Variants in RNF180 observed in about 807,000 individuals in gnomAD.
The protein encoded by RNF180 is ring finger protein 180.
In RNF180, 38 loss-of-function variants were observed where a neutral mutation model predicts 59.2. The ratio of observed to expected loss-of-function variants is 0.64; its 90% CI spans 0.50 to 0.84. RNF180 has a LOEUF of 0.84. Ranked by LOEUF, RNF180 falls within the 40% of genes least tolerant of loss-of-function variation. The pLI is 0.00. For synonymous variants in RNF180, 262 were observed against 240.3 expected, an observed-to-expected ratio of 1.09 and a Z score of -0.84; for missense variants, 705 against 700.9, an observed-to-expected ratio of 1.01 and a Z score of -0.07.
At chr5:64,257,679 G>T (rs897636053) in intron 5 of RNF180, among the ~76,000 whole-genome samples, 2 of 152,072 alleles carry the variant, frequency 1.3e-5, no homozygotes, top group Non-Finnish European at 2.9e-5. Context: ...TTGTGTGTGT[G>T]TCTCTGCCAG....
chr5:64,217,307 T>C, intron 4 of RNF180, 54 bp from the exon 5 acceptor site: 2 of 1,342,804 alleles, frequency 1.5e-6, no homozygotes, highest in East Asian at 2.8e-5. Flanking sequence ...AATAGAACTT[T>C]TACAGACATT....
chr5:64,361,561 A>G (rs975163278), intron 7 of RNF180, among the ~76,000 whole-genome samples: 3 of 151,482 alleles, frequency 2.0e-5, no homozygotes, highest in Non-Finnish European at 4.4e-5. Flanking sequence ...ACTGGATTAT[A>G]TGGCAAAAAA....
chr5:64,360,958 T>C (rs1213559385), intron 7 of RNF180, among the ~76,000 whole-genome samples: 1 of 151,668 alleles, frequency 6.6e-6, no homozygotes, highest in African/African-American at 2.4e-5. Context: ...TATATTCTAA[T>C]ACAAACAAAC....
At chr5:64,167,352 C>T (rs1376699049) in intron 1 of RNF180, among the ~76,000 whole-genome samples, 1 of 152,076 alleles carries the variant, frequency 6.6e-6, no homozygotes, top group Non-Finnish European at 1.5e-5. Context: ...CAACAATTTA[C>T]CAGTTTCCCT....
At chr5:64,323,682 G>C (rs189028182) in intron 5 of RNF180, among the ~76,000 whole-genome samples, 162 of 152,304 alleles carry the variant, frequency 1.1e-3, no homozygotes, top group Non-Finnish European at 4.4e-4. Context: ...AGAAAGAGCA[G>C]AAGGGATGGG....
chr5:64,213,489 GAAAA>G (rs375332267), intron 3 of RNF180, 65 bp from the exon 4 acceptor site: 22 of 1,455,878 alleles, frequency 1.5e-5, no homozygotes, highest in Non-Finnish European at 1.9e-5. Context: ...TGGCTTTAAA[GAAAA>G]AAAAATTTCT....
At chr5:64,217,465 TC>T in intron 5 of RNF180, 69 bp downstream of exon 5, 1 of 1,324,360 alleles carries the variant, frequency 7.6e-7, no homozygotes, top group Non-Finnish European at 9.7e-7. Flanking sequence ...CATTTTGCAT[TC>T]CAAGCAGCAA....
chr5:64,196,955 C>T (rs1453270580), intron 1 of RNF180, among the ~76,000 whole-genome samples: 1 of 152,032 alleles, frequency 6.6e-6, no homozygotes, highest in African/African-American at 2.4e-5. Flanking sequence ...TCGTTTTATT[C>T]GTATTTTCTA....
At chr5:64,181,281 A>G (rs775623416) in intron 1 of RNF180, among the ~76,000 whole-genome samples, 3 of 152,192 alleles carry the variant, frequency 2.0e-5, no homozygotes, top group Admixed American at 1.3e-4. Flanking sequence ...CCCAGGAACA[A>G]TACTTTGCAT....
intron 5 of RNF180, among the ~76,000 whole-genome samples, chr5:64,293,560 TGA>T (rs1742723382): frequency 6.6e-6 from 1 of 152,082 alleles, no homozygotes; most frequent in Admixed American, 6.5e-5. Context: ...TATATTATTC[TGA>T]GAGGAAAATT....
intron 7 of RNF180, among the ~76,000 whole-genome samples, chr5:64,354,775 G>A (rs1479230299): frequency 6.6e-6 from 1 of 151,390 alleles, no homozygotes; most frequent in Non-Finnish European, 1.5e-5. Context: ...TGCAGGAATA[G>A]TTCAACATAA....
intron 5 of RNF180, among the ~76,000 whole-genome samples, chr5:64,250,156 T>C (rs547208836): frequency 7.2e-5 from 11 of 152,272 alleles, no homozygotes; most frequent in Admixed American, 2.0e-4. Flanking sequence ...ACCAATAATA[T>C]GCTGAACTTT....
Position 64,319,182 on chromosome 5 carries a change from A to G in RNF180, c.1228-6004A>G, listed in dbSNP as rs1744216632. On this transcript the variant is annotated intron_variant, in intron 5 of 7. Transcript: ENST00000389100. ...AACCTAAAACTGTTGTTTAAAAAAA[A>G]AAAAAAAAACTTTGTATCTATAAAA... Among the ~76,000 whole-genome samples, 3 of 152,152 alleles carry G rather than the reference A, an allele frequency of 2.0e-5. No homozygotes were observed. The South Asian group carries it at 6.2e-4, about 32-fold the overall frequency.
At chr5:64,309,867 T>C (rs1373526582) in intron 5 of RNF180, among the ~76,000 whole-genome samples, 1 of 151,672 alleles carries the variant, frequency 6.6e-6, no homozygotes, top group African/African-American at 2.4e-5. Context: ...GGCTTTTATA[T>C]TTATATTAAT....
chr5:64,185,644 C>T (rs931252373), intron 1 of RNF180, among the ~76,000 whole-genome samples: 3 of 152,132 alleles, frequency 2.0e-5, no homozygotes, highest in African/African-American at 4.8e-5. Context: ...CCTTTCAATG[C>T]CCAAAGAGAG....
chr5:64,310,411 T>A (rs1292097955), intron 5 of RNF180, among the ~76,000 whole-genome samples: 1 of 151,728 alleles, frequency 6.6e-6, no homozygotes, highest in Non-Finnish European at 1.5e-5. Flanking sequence ...GTTTTGTCAT[T>A]GCTTAATATA....
At position 64,175,678 on chromosome 5, in the gene RNF180, G is replaced by A. The variant is rs186765768; in HGVS notation, c.-1+9725G>A. Among the ~76,000 whole-genome samples the A allele has an allele frequency of 3.7e-4, 57 of 152,162 alleles. 1 individual carries two copies. The East Asian group carries it at 0.01, about 27-fold the overall frequency. On this transcript the variant is annotated intron_variant, in intron 1 of 7. Transcript: ENST00000389100. Reference sequence around the variant, plus strand: ...TGTCATTGGTATTTTTATAGGGATTGCATTAAATCTGTAGATTGCCTTGAG... The same window carrying A: ...TGTCATTGGTATTTTTATAGGGATTACATTAAATCTGTAGATTGCCTTGAG...
intron 7 of RNF180, among the ~76,000 whole-genome samples, chr5:64,359,470 T>G (rs950858052): frequency 8.5e-5 from 13 of 152,084 alleles, no homozygotes; most frequent in African/African-American, 3.1e-4. Flanking sequence ...TCGCCCACTT[T>G]TTGATGGGGT....
chr5:64,202,930 A>G (rs565304306), intron 2 of RNF180, among the ~76,000 whole-genome samples: 45 of 152,324 alleles, frequency 3.0e-4, no homozygotes, highest in African/African-American at 6.7e-4. Context: ...GGACTGGGCA[A>G]TGAGGCTCCA....
Sources: gnomAD v4.1 joint callset for allele counts (sites outside exome capture counted in the v4.1 genomes callset) on GRCh38, gnomAD v4.1.1 for gene constraint, MANE v1.5 for transcripts, NCBI Gene and HGNC (gene_info 2026-07-23, HGNC 2026-07-21) for gene names.